L3MBTL1: variants seen among roughly 807,000 people sequenced by gnomAD.
The protein encoded by L3MBTL1 is lethal(3)malignant brain tumor-like protein 1.
Under a neutral mutation model 105.3 loss-of-function variants are expected in L3MBTL1, and 75 were observed. The ratio of observed to expected loss-of-function variants is 0.71; its 90% CI spans 0.59 to 0.86. The LOEUF (loss-of-function observed/expected upper bound fraction) is 0.86, where lower values mean the gene tolerates loss of function less well. L3MBTL1 is among the 40% of genes least tolerant of loss of function. L3MBTL1 has a pLI of 0.00. For missense variants in L3MBTL1, 1,069 were observed against 1,126.4 expected (o/e 0.95, Z 0.73); for synonymous variants, 452 against 436.2 (o/e 1.04, Z -0.45).
intron 1 of L3MBTL1, among the ~76,000 whole-genome samples, chr20:43,510,295 C>T (rs558192892): frequency 7.9e-5 from 12 of 152,252 alleles, no homozygotes; most frequent in African/African-American, 2.9e-4. Context: ...CCACCACGTC[C>T]AGCCTAACTC....
intron 7 of L3MBTL1, among the ~76,000 whole-genome samples, chr20:43,518,064 GCTGGGTC>G (rs1342956549): frequency 1.3e-5 from 2 of 151,992 alleles, no homozygotes; most frequent in Non-Finnish European, 2.9e-5. Context: ...CATTCTTTTA[GCTGGGTC>G]CTGTTGACCA....
At chr20:43,510,788 G>A (rs1212383520) in intron 1 of L3MBTL1, among the ~76,000 whole-genome samples, 1 of 151,832 alleles carries the variant, frequency 6.6e-6, no homozygotes, top group Admixed American at 6.6e-5. Flanking sequence ...TGAGATCATG[G>A]CTCACTGCAG....
At chr20:43,507,912 G>A (rs998778815) in intron 1 of L3MBTL1, among the ~76,000 whole-genome samples, 168 bp downstream of exon 1, 1 of 152,120 alleles carries the variant, frequency 6.6e-6, no homozygotes. Context: ...GAAAACGCCG[G>A]GGAAAGCGGT....
downstream of L3MBTL1, among the ~76,000 whole-genome samples, chr20:43,543,907 G>A (rs1978400988): frequency 6.6e-6 from 1 of 152,214 alleles, no homozygotes; most frequent in Non-Finnish European, 1.5e-5. Context: ...AATTATTGAT[G>A]TCTGCTTTGT....
chr20:43,516,299 T>G (rs2018388529), intron 7 of L3MBTL1, 122 bp downstream of exon 7: 1 of 721,798 alleles, frequency 1.4e-6, no homozygotes, highest in Admixed American at 2.1e-5. Flanking sequence ...GAGCATGAGT[T>G]AGTGTGTGTG....
intron 7 of L3MBTL1, among the ~76,000 whole-genome samples, chr20:43,518,849 T>TA (rs2018546138): frequency 7.9e-4 from 3 of 3,780 alleles, no homozygotes; most frequent in East Asian, 0.013. Context: ...CTACTAAAAA[T>TA]ACAAAAAAAA....
rs1209122152 is a variant in L3MBTL1 at position 43,541,715 on chromosome 20, C to A, written c.*587C>A. On this transcript the variant is annotated 3_prime_UTR_variant, in exon 22 of 22. Coordinates refer to ENST00000418998, the MANE Select transcript of L3MBTL1 (RefSeq NM_001377303.1). ...GTTTCTGTATATGTTCCACTATAAT[C>A]TTATGGGACCATGGTTTTAAATGTG... 1.7e-5 allele frequency: 12 copies of A among 692,130 alleles called. No homozygotes were observed. Among genetic ancestry groups the A allele is most frequent in the Non-Finnish European group, 2.1e-5 (12 of 560,946 alleles). The allele number at this position is 692,130 out of a possible 1,614,324, so 42.9% of individuals were successfully genotyped here. A position where few individuals can be genotyped will look rare whatever the true frequency, so the allele number is the denominator to read the frequency against.
At chr20:43,527,974 C>A (rs568700312) in intron 7 of L3MBTL1, among the ~76,000 whole-genome samples, 1 of 152,298 alleles carries the variant, frequency 6.6e-6, no homozygotes, top group East Asian at 1.9e-4. Context: ...CTCACTGCAA[C>A]TTCTGCCTCC....
At chr20:43,528,190 GC>G (rs1360941692) in intron 7 of L3MBTL1, among the ~76,000 whole-genome samples, 2 of 152,172 alleles carry the variant, frequency 1.3e-5, no homozygotes, top group Admixed American at 1.3e-4. Context: ...ACCATGCCCA[GC>G]CGTGTTTCTT....
chr20:43,507,962 C>A (rs2018026645), intron 1 of L3MBTL1, among the ~76,000 whole-genome samples: 1 of 152,118 alleles, frequency 6.6e-6, no homozygotes, highest in Non-Finnish European at 1.5e-5. Flanking sequence ...GTGCGGGACT[C>A]CAGGCCCAGC....
chr20:43,524,307 A>G (rs997898589), intron 7 of L3MBTL1, among the ~76,000 whole-genome samples: 2 of 152,286 alleles, frequency 1.3e-5, no homozygotes, highest in East Asian at 3.9e-4. Context: ...CTTTGGCTGC[A>G]TCTCAGTTTT....
At chr20:43,523,549 T>TA in intron 7 of L3MBTL1, 1 of 261,692 alleles carries the variant, frequency 3.8e-6, no homozygotes, top group African/African-American at 2.3e-5. Flanking sequence ...GCAAAGGCAC[T>TA]AGTGGACCAG....
intron 7 of L3MBTL1, among the ~76,000 whole-genome samples, chr20:43,523,834 A>G (rs1398420913): frequency 6.6e-6 from 1 of 152,048 alleles, no homozygotes; most frequent in Non-Finnish European, 1.5e-5. Flanking sequence ...TCTCTACTAA[A>G]AATACAAAAA....
At chr20:43,536,914 C>T (rs1256814164) in intron 19 of L3MBTL1, among the ~76,000 whole-genome samples, 1 of 152,208 alleles carries the variant, frequency 6.6e-6, no homozygotes, top group Admixed American at 6.5e-5. Context: ...ACAGTGGTTA[C>T]TACCACTGCT....
chr20:43,516,043 C>G (rs1341580667), intron 6 of L3MBTL1, 50 bp from the exon 7 acceptor site: 1 of 1,428,248 alleles, frequency 7.0e-7, no homozygotes, highest in Admixed American at 1.7e-5. Flanking sequence ...CCTAGGGCTT[C>G]ATCCCAAACC....
intron 14 of L3MBTL1, 45 bp downstream of exon 14, chr20:43,534,138 T>G: frequency 6.3e-7 from 1 of 1,576,780 alleles, no homozygotes; most frequent in Non-Finnish European, 8.7e-7. Flanking sequence ...CAGAAAGACA[T>G]GGAGCACTCA....
chr20:43,513,327 C>G (rs1160058788), intron 1 of L3MBTL1, 149 bp from the exon 2 acceptor site: 12 of 734,620 alleles, frequency 1.6e-5, no homozygotes, highest in South Asian at 5.6e-5. Flanking sequence ...TGAAGACACC[C>G]TACTCCCCAC....
chr20:43,534,336 G>A lies in L3MBTL1; in HGVS notation c.1652G>A (p.Arg551Lys). 6.2e-7 allele frequency: 1 copy of A among 1,614,148 alleles called. No individual in the cohort carries two copies. The highest frequency in any genetic ancestry group is 8.5e-7 in the Non-Finnish European group (1 of 1,180,016). ...ATGAAGCTGGAGGCTGTGGACCGCA[G>A]GAACCCAGCCCTGATTCGCGTGGCC... ...VNMKLEAVDR[R>K]NPALIRVASV... The change falls in exon 15 of 22, where the codon AGG becomes AAG. Residue 551 changes from arginine to lysine, a missense_variant. By Grantham distance (26) the Arg-to-Lys change is conservative. Transcript: ENST00000418998.
intron 19 of L3MBTL1, among the ~76,000 whole-genome samples, chr20:43,538,364 G>T (rs1467775374): frequency 1.3e-5 from 2 of 152,202 alleles, no homozygotes; most frequent in Non-Finnish European, 2.9e-5. Flanking sequence ...CACGGAACTG[G>T]CAAAGAAGGG....
Sources: gnomAD v4.1 joint callset for allele counts (sites outside exome capture counted in the v4.1 genomes callset) on GRCh38, gnomAD v4.1.1 for gene constraint, MANE v1.5 for transcripts, NCBI Gene and HGNC (gene_info 2026-07-23, HGNC 2026-07-21) for gene names.